The following WSCD2 variants were observed in gnomAD, a reference collection of about 807,000 sequenced individuals.
WSCD2 encodes the protein sialate:O-sulfotransferase 2.
A neutral mutation model predicts 55.7 loss-of-function variants in WSCD2; 28 were observed. That is an observed-to-expected ratio of 0.50 (90% CI 0.37 to 0.69). The LOEUF (loss-of-function observed/expected upper bound fraction) is 0.69. Ranked by LOEUF, WSCD2 falls within the 30% of genes least tolerant of loss-of-function variation. The pLI is 0.00. For synonymous variants in WSCD2, 301 were observed against 301.9 expected, an observed-to-expected ratio of 1.00 and a Z score of 0.03; for missense variants, 616 against 762.1, an observed-to-expected ratio of 0.81 and a Z score of 2.26.
At chr12:108,226,819 G>C (rs906660160) in intron 5 of WSCD2, among the ~76,000 whole-genome samples, 171 bp from the exon 6 acceptor site, 1 of 152,208 alleles carries the variant, frequency 6.6e-6, no homozygotes, top group Admixed American at 6.5e-5. Flanking sequence ...TGCACAGGTA[G>C]GGCAAAATCA....
At chr12:108,241,222 G>A (rs747897285) in intron 8 of WSCD2, among the ~76,000 whole-genome samples, 1 of 152,292 alleles carries the variant, frequency 6.6e-6, no homozygotes, top group Admixed American at 6.5e-5. Flanking sequence ...AGCATGGAAC[G>A]TACTAAGATG....
intron 1 of WSCD2, among the ~76,000 whole-genome samples, chr12:108,173,607 A>T (rs4964645): frequency 6.6e-6 from 1 of 151,790 alleles, no homozygotes; most frequent in South Asian, 2.1e-4. Context: ...CTGATTGCCC[A>T]GTAGATGCTG....
chr12:108,163,761 C>T (rs1879312871), intron 1 of WSCD2, among the ~76,000 whole-genome samples: 2 of 152,164 alleles, frequency 1.3e-5, no homozygotes, highest in South Asian at 4.2e-4. Flanking sequence ...AGCAAGGAAG[C>T]AGATTCTCCC....
chr12:108,248,585 G>A lies in WSCD2; in HGVS notation c.*242G>A, dbSNP rs1890250535. The A allele has an allele frequency of 8.4e-6, 11 of 1,309,990 alleles. No homozygotes were observed. Among genetic ancestry groups the A allele is most frequent in the Non-Finnish European group, 1.1e-5 (11 of 1,026,704 alleles). The allele number at this position is 1,309,990 out of a possible 1,614,324, so 81.1% of individuals were successfully genotyped here. On this transcript the variant is annotated 3_prime_UTR_variant, in exon 9 of 9. Transcript: ENST00000547525. The surrounding 1 kb of genome is among the most constrained non-coding windows in gnomAD (Gnocchi z 4.3). ...GCAATGTGGGGCATCTTGTTTAGGG[G>A]GTTCTAGTTACATGGACTCTTTTCT...
At chr12:108,159,246 G>C (rs1302004823) in intron 1 of WSCD2, among the ~76,000 whole-genome samples, 1 of 152,180 alleles carries the variant, frequency 6.6e-6, no homozygotes, top group Non-Finnish European at 1.5e-5. Context: ...AGTCCTTGCT[G>C]CTTCCCCATC....
At chr12:108,199,897 G>T (rs1884445760) in intron 2 of WSCD2, among the ~76,000 whole-genome samples, 1 of 152,166 alleles carries the variant, frequency 6.6e-6, no homozygotes, top group Non-Finnish European at 1.5e-5. Flanking sequence ...GAAAGTACAT[G>T]CCAGCTATTA....
chr12:108,243,837 A>G (rs1889920424), intron 8 of WSCD2, among the ~76,000 whole-genome samples: 1 of 152,146 alleles, frequency 6.6e-6, no homozygotes. Flanking sequence ...TCACCTAGCT[A>G]TTGAGTGTGT....
chr12:108,243,976 A>G (rs1268057133), intron 8 of WSCD2, among the ~76,000 whole-genome samples: 1 of 152,104 alleles, frequency 6.6e-6, no homozygotes, highest in Non-Finnish European at 1.5e-5. Context: ...TTCACAGCAA[A>G]ATTTTATGTG....
rs1317006560 is a variant in WSCD2, at chr12:108,248,641, G to A, written c.*298G>A. On this transcript the variant is annotated 3_prime_UTR_variant, in exon 9 of 9. Transcript: ENST00000547525. The surrounding 1 kb of genome is among the most constrained non-coding windows in gnomAD (Gnocchi z 4.3). The stretch of plus-strand genomic sequence containing the variant: ...CTGGGTCCCTGCCCCCACCACTCTG[G>A]GTTCCATTTGTGGGAGGGAGGGCTC... The A allele has an allele frequency of 8.9e-7, 1 of 1,121,370 alleles. No individual in the cohort carries two copies. The highest frequency in any genetic ancestry group is 1.1e-6 in the Non-Finnish European group (1 of 913,056). 69.5% of individuals were successfully genotyped at this position (1,121,370 alleles called of 1,614,324 possible).
At chr12:108,169,418 T>A (rs1017603695) in intron 1 of WSCD2, among the ~76,000 whole-genome samples, 2 of 152,036 alleles carry the variant, frequency 1.3e-5, no homozygotes, top group Non-Finnish European at 2.9e-5. Flanking sequence ...TCTAGGGTAT[T>A]CCCCTAGCTC....
intron 3 of WSCD2, among the ~76,000 whole-genome samples, chr12:108,207,532 GCTT>G (rs1292877031): frequency 8.3e-6 from 1 of 120,788 alleles, no homozygotes; most frequent in Admixed American, 8.4e-5. Flanking sequence ...ACCATGCCTG[GCTT>G]TTTTTTTTTT....
chr12:108,132,107 CAG>C (rs1302690486), intron 1 of WSCD2, among the ~76,000 whole-genome samples: 3 of 150,718 alleles, frequency 2.0e-5, no homozygotes, highest in Non-Finnish European at 4.4e-5. Context: ...ATGAAATTGT[CAG>C]GGAATGCAGT....
At chr12:108,211,595 T>C (rs1886150091) in intron 4 of WSCD2, among the ~76,000 whole-genome samples, 1 of 150,396 alleles carries the variant, frequency 6.6e-6, no homozygotes, top group Non-Finnish European at 1.5e-5. Flanking sequence ...ACTCATTGTT[T>C]GTTTGCTTGA....
At chr12:108,135,916 G>A (rs1236244619) in intron 1 of WSCD2, among the ~76,000 whole-genome samples, 2 of 152,200 alleles carry the variant, frequency 1.3e-5, no homozygotes, top group Non-Finnish European at 2.9e-5. Context: ...GAGTATTTGT[G>A]ACAGAGATCA....
At chr12:108,166,786 T>TTTCTTTCTTTCTTTCC (rs1879696194) in intron 1 of WSCD2, among the ~76,000 whole-genome samples, 1 of 149,426 alleles carries the variant, frequency 6.7e-6, no homozygotes, top group Non-Finnish European at 1.5e-5. Flanking sequence ...TCTTTCTTTC[T>TTTCTTTCTTTCTTTCC]TTCTGTCTTT....
intron 4 of WSCD2, among the ~76,000 whole-genome samples, chr12:108,222,571 T>C (rs1593071889): frequency 6.6e-6 from 1 of 152,364 alleles, no homozygotes; most frequent in East Asian, 1.9e-4. Flanking sequence ...GCTGTGCTTC[T>C]GGAAGGGTAT....
rs866824030 is a variant in WSCD2 at position 108,130,226 on chromosome 12, C to T, written c.-552+300C>T. 1.1e-4 allele frequency among the ~76,000 whole-genome samples: 17 copies of T among 152,310 alleles called. No homozygotes were observed. The South Asian group carries it at 1.2e-3, about 11-fold the overall frequency. On this transcript the variant is annotated intron_variant, in intron 1 of 8. Transcript: ENST00000547525. ...CAGGCATGCATTCAAGGGCTTCTCC[C>T]GCGGAGGTGGGCCAGCGGGGAGGCA... is the stretch of plus-strand genomic sequence containing the variant.
intron 1 of WSCD2, among the ~76,000 whole-genome samples, chr12:108,164,820 A>G (rs1168960801): frequency 1.3e-5 from 2 of 152,146 alleles, no homozygotes; most frequent in Non-Finnish European, 2.9e-5. Flanking sequence ...AGGAGGCCCA[A>G]TAACTCCTCA....
chr12:108,145,831 T>C (rs1403658493), intron 1 of WSCD2, among the ~76,000 whole-genome samples: 1 of 152,182 alleles, frequency 6.6e-6, no homozygotes, highest in African/African-American at 2.4e-5. Flanking sequence ...AAAGGAGGCA[T>C]TGTGCGAAAA....
Sources: gnomAD v4.1 joint callset for allele counts (sites outside exome capture counted in the v4.1 genomes callset) on GRCh38, gnomAD v4.1.1 for gene constraint, Gnocchi (gnomAD v3.1) non-coding constraint, MANE v1.5 for transcripts, NCBI Gene and HGNC (gene_info 2026-07-23, HGNC 2026-07-21) for gene names.